IL17REL: variants seen among roughly 807,000 people sequenced by gnomAD.
The protein encoded by IL17REL is interleukin-17 receptor E-like protein.
Under a neutral mutation model 49.0 loss-of-function variants are expected in IL17REL, and 36 were observed. The ratio of observed to expected loss-of-function variants is 0.73; its 90% CI spans 0.56 to 0.97. IL17REL has a LOEUF of 0.97. Ranked by LOEUF, IL17REL falls within the 50% of genes least tolerant of loss-of-function variation. The pLI, the probability that IL17REL is intolerant of heterozygous loss-of-function variation, is 0.00. For missense variants in IL17REL, 470 were observed against 453.9 expected (o/e 1.04, Z -0.32); for synonymous variants, 206 against 192.4 (o/e 1.07, Z -0.58).
At chr22:50,010,804 T>TG (rs1378745218), upstream of IL17REL, among the ~76,000 whole-genome samples, 1 of 36,000 alleles carries the variant, frequency 2.8e-5, no homozygotes, top group Non-Finnish European at 5.3e-5. Context: ...GGGGGGAAGG[T>TG]GGGGGGAGCG....
At chr22:50,008,466 G>C (rs2061121592) in intron 1 of IL17REL, among the ~76,000 whole-genome samples, 171 bp downstream of exon 2, 1 of 152,200 alleles carries the variant, frequency 6.6e-6, no homozygotes, top group Non-Finnish European at 1.5e-5. Flanking sequence ...GGTGTGGCCA[G>C]GGTCCCACAC....
upstream of IL17REL, among the ~76,000 whole-genome samples, chr22:50,011,347 C>A (rs551897051): frequency 1.3e-5 from 2 of 152,046 alleles, no homozygotes; most frequent in Admixed American, 1.3e-4. Context: ...TTGGTCCCCA[C>A]CCATTCCCCA....
chr22:49,999,821 C>G lies in IL17REL; in HGVS notation c.474+7G>C. The G allele has an allele frequency of 6.7e-7, 1 of 1,497,830 alleles. No individual in the cohort carries two copies. Among genetic ancestry groups the G allele is most frequent in the Non-Finnish European group, 8.9e-7 (1 of 1,123,064 alleles). 92.8% of individuals were successfully genotyped at this position (1,497,830 alleles called of 1,614,324 possible). A position where few individuals can be genotyped will look rare whatever the true frequency, so the allele number is the denominator to read the frequency against. On this transcript the variant is annotated splice_region_variant and intron_variant, in intron 5 of 12. Transcript: ENST00000341280. ...GGCTGACCGGGGCCCGGGGCGCGGG[C>G]GCTCACTCGCACAGGGGCGCCGGCG...
intron 5 of IL17REL, 92 bp downstream of exon 7, chr22:49,999,712 GGGGCGCGGGGGGTGGGCGGGGCGC>G: frequency 1.8e-6 from 1 of 548,490 alleles, no homozygotes; most frequent in Non-Finnish European, 2.4e-6. Context: ...GGCCGGGGGC[GGGGCGCGGGGGGTGGGCGGGGCGC>G]GGGGTGGGCG....
At chr22:50,011,818 C>T (rs528302728), upstream of IL17REL, among the ~76,000 whole-genome samples, 136 of 152,352 alleles carry the variant, frequency 8.9e-4, no homozygotes, top group Middle Eastern at 3.4e-3. Flanking sequence ...CCCTGTGGAG[C>T]TGCTGGATGT....
chr22:50,004,969 G>GAAAAAAAAAAAAAAAA (rs2061100935), intron 1 of IL17REL, among the ~76,000 whole-genome samples: 1 of 65,250 alleles, frequency 1.5e-5, no homozygotes, highest in Non-Finnish European at 2.9e-5. Context: ...AAACCAGAAA[G>GAAAAAAAAAAAAAAAA]TAAAAAAAAA....
intron 7 of IL17REL, 40 bp downstream of exon 9, chr22:49,999,251 A>C (rs779436951): frequency 1.2e-6 from 2 of 1,611,204 alleles, no homozygotes; most frequent in Non-Finnish European, 1.7e-6. Flanking sequence ...GGCCGCAGCC[A>C]TTCCCACCCT....
intron 1 of IL17REL, among the ~76,000 whole-genome samples, chr22:50,003,727 G>C (rs1440935102): frequency 1.3e-5 from 2 of 152,094 alleles, no homozygotes; most frequent in Non-Finnish European, 2.9e-5. Context: ...TCCTCAAATT[G>C]ATAAAGATGA....
At chr22:50,002,525 C>T (rs976526070) in intron 1 of IL17REL, among the ~76,000 whole-genome samples, 2 of 149,566 alleles carry the variant, frequency 1.3e-5, no homozygotes, top group East Asian at 2.0e-4. Context: ...GAGACAGTCC[C>T]GCTCTGACGC....
chr22:49,993,890 C>T (rs561483382), downstream of IL17REL, among the ~76,000 whole-genome samples: 226 of 152,190 alleles, frequency 1.5e-3, 2 homozygotes, highest in African/African-American at 5.2e-3. The surrounding 1 kb of genome is among the most constrained non-coding windows in gnomAD (Gnocchi z 6.0). Context: ...GAACCTGGGG[C>T]GGGGACTGCC....
At chr22:50,002,405 T>TTCC (rs1646708767) in intron 1 of IL17REL, among the ~76,000 whole-genome samples, 1 of 152,258 alleles carries the variant, frequency 6.6e-6, no homozygotes, top group African/African-American at 2.4e-5. Flanking sequence ...GGTTGAGACC[T>TTCC]TCCACCCAGT....
At chr22:50,011,945 C>T (rs568158421), upstream of IL17REL, among the ~76,000 whole-genome samples, 2 of 152,342 alleles carry the variant, frequency 1.3e-5, no homozygotes, top group African/African-American at 4.8e-5. Context: ...CCTCCCTTTC[C>T]GGGACACCTT....
intron 1 of IL17REL, among the ~76,000 whole-genome samples, chr22:50,005,649 A>G (rs1302299098): frequency 3.3e-5 from 5 of 151,992 alleles, no homozygotes; most frequent in Admixed American, 6.6e-5. Flanking sequence ...TAAAAATACA[A>G]TGATTAGCTG....
chr22:50,001,892 CTT>C (rs1380062347), intron 1 of IL17REL, among the ~76,000 whole-genome samples: 1 of 152,228 alleles, frequency 6.6e-6, no homozygotes, highest in African/African-American at 2.4e-5. Flanking sequence ...CTGCCACCCT[CTT>C]TATAGAAGGC....
At chr22:49,999,399 C>T (rs749662208) in intron 6 of IL17REL, 32 bp downstream of exon 8, 2 of 1,612,744 alleles carry the variant, frequency 1.2e-6, no homozygotes, top group South Asian at 1.1e-5. Flanking sequence ...CTCCCCTCAC[C>T]CGCCCCAAGT....
chr22:50,004,239 C>T (rs1363494684), intron 1 of IL17REL, among the ~76,000 whole-genome samples: 2 of 152,070 alleles, frequency 1.3e-5, no homozygotes, highest in Non-Finnish European at 2.9e-5. Context: ...CCACCACACC[C>T]GACTAATTTT....
chr22:50,003,822 A>T (rs953951696), intron 1 of IL17REL, among the ~76,000 whole-genome samples: 5 of 152,158 alleles, frequency 3.3e-5, no homozygotes, highest in African/African-American at 1.2e-4. Flanking sequence ...CAAGACAAGG[A>T]TCCCTGCTCT....
upstream of IL17REL, chr22:50,012,632 T>C (rs935638764): frequency 6.6e-6 from 1 of 152,204 alleles, no homozygotes. Flanking sequence ...ACGCGAGTGC[T>C]TGCCCAGCCA....
chr22:50,003,358 T>C (rs1405415263), intron 1 of IL17REL, among the ~76,000 whole-genome samples: 3 of 151,646 alleles, frequency 2.0e-5, no homozygotes, highest in Admixed American at 2.0e-4. Context: ...CTGTCTCTAC[T>C]AAAAATACAA....
Sources: gnomAD v4.1 joint callset for allele counts (sites outside exome capture counted in the v4.1 genomes callset) on GRCh38, gnomAD v4.1.1 for gene constraint, Gnocchi (gnomAD v3.1) non-coding constraint, MANE v1.5 for transcripts, NCBI Gene and HGNC (gene_info 2026-07-23, HGNC 2026-07-21) for gene names.